Variants in NKAIN3 observed in about 807,000 individuals in gnomAD.
NKAIN3 encodes the protein sodium/potassium-transporting ATPase subunit beta-1-interacting protein 3.
A neutral mutation model predicts 30.2 loss-of-function variants in NKAIN3; 25 were observed. The ratio of observed to expected loss-of-function variants is 0.83; its 90% CI spans 0.60 to 1.16. The LOEUF (loss-of-function observed/expected upper bound fraction) is 1.16. Among genes scored for constraint, NKAIN3 ranks in the 50% most tolerant of loss-of-function variants. The pLI is 0.00. For synonymous variants in NKAIN3, 91 were observed against 89.6 expected, an observed-to-expected ratio of 1.02 and a Z score of -0.09; for missense variants, 225 against 254.1, an observed-to-expected ratio of 0.89 and a Z score of 0.78.
intron 2 of NKAIN3, among the ~76,000 whole-genome samples, chr8:62,580,474 T>C (rs1810255407): frequency 6.6e-6 from 1 of 152,192 alleles, no homozygotes; most frequent in Non-Finnish European, 1.5e-5. Context: ...CCTGAATAAA[T>C]ATACAGTGTT....
chr8:62,468,507 A>G (rs1041395162), intron 1 of NKAIN3, among the ~76,000 whole-genome samples: 1 of 152,224 alleles, frequency 6.6e-6, no homozygotes, highest in East Asian at 1.9e-4. Flanking sequence ...CCAAGCCCAC[A>G]GAATTTGGAA....
At chr8:62,521,351 CT>C (rs371785813) in intron 1 of NKAIN3, among the ~76,000 whole-genome samples, 27 of 152,174 alleles carry the variant, frequency 1.8e-4, no homozygotes, top group East Asian at 1.7e-3. Flanking sequence ...AGTTTTCAAA[CT>C]TTTTTTCTTT....
intron 3 of NKAIN3, among the ~76,000 whole-genome samples, chr8:62,594,000 T>C (rs545650799): frequency 6.6e-6 from 1 of 152,148 alleles, no homozygotes; most frequent in African/African-American, 2.4e-5. Context: ...CCCTTGGCTA[T>C]TGTTAAGACT....
rs117604623 is a variant in NKAIN3, at chr8:62,977,646, G to C, written c.*12239G>C. ...TCAAGGTTCTTAGCTTCCTCGTATT[G>C]GGTTACTATATGTTCCATTCGCTCT... On this transcript the variant is annotated 3_prime_UTR_variant, in exon 7 of 7. Transcript: ENST00000623646. Among the ~76,000 whole-genome samples the C allele has an allele frequency of 2.0e-5, 3 of 151,936 alleles. No individual in the cohort carries two copies. Among genetic ancestry groups the C allele is most frequent in the Non-Finnish European group, 4.4e-5 (3 of 67,958 alleles).
chr8:62,939,894 T>C (rs1260274208), intron 5 of NKAIN3, among the ~76,000 whole-genome samples: 1 of 151,952 alleles, frequency 6.6e-6, no homozygotes, highest in Non-Finnish European at 1.5e-5. Flanking sequence ...ATGAATAGAA[T>C]AGTACCTTAC....
chr8:62,420,159 A>C (rs544933828), intron 1 of NKAIN3, among the ~76,000 whole-genome samples: 2 of 152,306 alleles, frequency 1.3e-5, no homozygotes, highest in East Asian at 3.9e-4. Flanking sequence ...TGTTGTAGGA[A>C]ATCTCTTATG....
rs748241450 is a variant in NKAIN3, at chr8:62,962,975, T to C, written c.604-2379T>C. ...GGCATGACCTCAGCTCACTGCAACG[T>C]CCACCTCCCAGGTTCAAGGGATTCT... On this transcript the variant is annotated intron_variant, in intron 6 of 6. Transcript: ENST00000623646. 6.6e-5 allele frequency among the ~76,000 whole-genome samples: 10 copies of C among 152,238 alleles called. No individual in the cohort carries two copies. The South Asian group carries it at 1.9e-3, about 28-fold the overall frequency.
At chr8:62,864,470 G>T (rs2130792347) in intron 4 of NKAIN3, among the ~76,000 whole-genome samples, 1 of 152,264 alleles carries the variant, frequency 6.6e-6, no homozygotes, top group East Asian at 1.9e-4. Context: ...GAAGAAGACC[G>T]CCCAAATACT....
rs114005766 is a variant in NKAIN3 at position 62,439,688 on chromosome 8, A to G, written c.55-139851A>G. 2.7e-3 allele frequency among the ~76,000 whole-genome samples: 414 copies of G among 152,348 alleles called. 3 individuals carry two copies. Among genetic ancestry groups the G allele is most frequent in the African/African-American group, 7.7e-3 (319 of 41,588 alleles). ...TGGATTCAAATGCTGAATGTTTGGA[A>G]CATTTACAGACAGATGTTATCAAAG... On this transcript the variant is annotated intron_variant, in intron 1 of 6. Coordinates refer to ENST00000623646, the MANE Select transcript of NKAIN3 (RefSeq NM_001304533.3).
intron 4 of NKAIN3, among the ~76,000 whole-genome samples, chr8:62,808,686 G>A (rs765791273): frequency 2.6e-5 from 4 of 152,118 alleles, no homozygotes; most frequent in African/African-American, 7.2e-5. Context: ...TGAATAGAGT[G>A]TGGGTCACAG....
chr8:62,584,610 T>A (rs925700646), intron 2 of NKAIN3, among the ~76,000 whole-genome samples: 4 of 152,220 alleles, frequency 2.6e-5, no homozygotes, highest in African/African-American at 9.6e-5. Flanking sequence ...ACTGAATGAT[T>A]TGTGTTTTCG....
chr8:62,993,733 G>T (rs1804035115), intron 5 of NKAIN3, among the ~76,000 whole-genome samples: 1 of 152,164 alleles, frequency 6.6e-6, no homozygotes, highest in Non-Finnish European at 1.5e-5. Flanking sequence ...TATGCTAAAA[G>T]AGTCCTGGTA....
In NKAIN3 at chr8:62,980,202, A is replaced by G. The variant is rs1429370578; in HGVS notation, c.*14795A>G. ...AGCTTACTTTTAACTGCTGGGTGTC[A>G]GTCTCTTCTAAAAATTTTGTTCCTA... On this transcript the variant is annotated 3_prime_UTR_variant, in exon 7 of 7. Coordinates refer to ENST00000623646, the MANE Select transcript of NKAIN3 (RefSeq NM_001304533.3). The G allele has an allele frequency of 6.6e-6, 1 of 152,160 alleles. No homozygotes were observed. Among genetic ancestry groups the G allele is most frequent in the Non-Finnish European group, 1.5e-5 (1 of 68,046 alleles). The allele number at this position is 152,160 out of a possible 1,614,324, so 9.4% of individuals were successfully genotyped here. A position where few individuals can be genotyped will look rare whatever the true frequency, so the allele number is the denominator to read the frequency against.
At chr8:62,569,910 A>C (rs2130014545) in intron 1 of NKAIN3, among the ~76,000 whole-genome samples, 1 of 152,350 alleles carries the variant, frequency 6.6e-6, no homozygotes, top group South Asian at 2.1e-4. Flanking sequence ...CATGATTATG[A>C]AATATTTATC....
intron 4 of NKAIN3, among the ~76,000 whole-genome samples, chr8:62,783,605 C>CTT (rs386412917): frequency 0.55 from 67,178 of 121,248 alleles, 20,867 homozygotes; most frequent in Non-Finnish European, 0.69. Context: ...GCAGAATACA[C>CTT]TTTTTTTTTT....
chr8:62,854,260 T>A (rs1819996954), intron 4 of NKAIN3, among the ~76,000 whole-genome samples: 1 of 152,202 alleles, frequency 6.6e-6, no homozygotes, highest in Admixed American at 6.5e-5. Flanking sequence ...TCTTTGTTAA[T>A]GTTCTGCCTC....
At chr8:62,570,599 C>G (rs1000995575) in intron 1 of NKAIN3, among the ~76,000 whole-genome samples, 1 of 152,042 alleles carries the variant, frequency 6.6e-6, no homozygotes, top group Non-Finnish European at 1.5e-5. Flanking sequence ...TTCACTATTA[C>G]GAGAACAGCA....
At chr8:62,642,912 G>C (rs1474029521) in intron 3 of NKAIN3, among the ~76,000 whole-genome samples, 1 of 151,908 alleles carries the variant, frequency 6.6e-6, no homozygotes, top group Non-Finnish European at 1.5e-5. Flanking sequence ...TAATAAGATT[G>C]AATAAAATAA....
chr8:62,923,162 G>C (rs1586351309), intron 5 of NKAIN3, among the ~76,000 whole-genome samples: 1 of 152,002 alleles, frequency 6.6e-6, no homozygotes, highest in Middle Eastern at 3.2e-3. Context: ...GCCGGGTGTG[G>C]TGGTGTGTGC....
Sources: allele counts gnomAD v4.1 joint callset (sites outside exome capture counted in the v4.1 genomes callset), GRCh38; gene constraint gnomAD v4.1.1; transcripts MANE v1.5; gene names NCBI Gene and HGNC (gene_info 2026-07-23, HGNC 2026-07-21).